PCDH15: variants seen among roughly 807,000 people sequenced by gnomAD.
PCDH15 encodes protocadherin related 15.
A neutral mutation model predicts 178.5 loss-of-function variants in PCDH15; 129 were observed. The observed-to-expected ratio is 0.72, with a 90% CI of 0.63 to 0.84. The LOEUF (loss-of-function observed/expected upper bound fraction) is 0.84. PCDH15 is among the 40% of genes least tolerant of loss of function. The pLI is 0.00. For missense variants in PCDH15, 2,230 were observed against 2,099.9 expected (o/e 1.06, Z -1.21); for synonymous variants, 800 against 732.0 (o/e 1.09, Z -1.50).
intron 1 of PCDH15, among the ~76,000 whole-genome samples, chr10:54,729,977 G>T (rs1943116012): frequency 1.3e-5 from 2 of 151,508 alleles, no homozygotes; most frequent in South Asian, 4.1e-4. Flanking sequence ...GGCCACTGTG[G>T]AAATCAGTTT....
chr10:54,308,467 C>T (rs1032460814), intron 8 of PCDH15, among the ~76,000 whole-genome samples: 1 of 151,724 alleles, frequency 6.6e-6, no homozygotes, highest in Non-Finnish European at 1.5e-5. Flanking sequence ...TATTTTATAC[C>T]TGTTTCTTAT....
intron 23 of PCDH15, among the ~76,000 whole-genome samples, chr10:53,941,181 A>G (rs1278008948): frequency 6.6e-6 from 1 of 152,158 alleles, no homozygotes; most frequent in African/African-American, 2.4e-5. Context: ...ATTATCACTG[A>G]AAGTCCATCA....
chr10:55,241,464 T>C (rs532762708), intron 1 of PCDH15, among the ~76,000 whole-genome samples: 1 of 152,198 alleles, frequency 6.6e-6, no homozygotes, highest in East Asian at 1.9e-4. Context: ...CTGTCGCCCA[T>C]GCTGGAGTGC....
At chr10:54,355,356 A>C (rs1193648905) in intron 5 of PCDH15, among the ~76,000 whole-genome samples, 1 of 151,952 alleles carries the variant, frequency 6.6e-6, no homozygotes, top group African/African-American at 2.4e-5. Context: ...AAGATAATTT[A>C]TTTTGGGCCC....
At chr10:54,921,836 T>C (rs532791854) in intron 2 of PCDH15, among the ~76,000 whole-genome samples, 9 of 152,138 alleles carry the variant, frequency 5.9e-5, no homozygotes, top group Admixed American at 3.3e-4. Context: ...GCTGTACAGG[T>C]AGCATCTCTG....
chr10:54,027,304 T>C (rs547152062), intron 18 of PCDH15, among the ~76,000 whole-genome samples: 23 of 150,822 alleles, frequency 1.5e-4, no homozygotes, highest in African/African-American at 5.2e-4. Context: ...TAGAAACAAA[T>C]GGAAGAACAT....
chr10:53,889,110 T>C (rs1315744357), intron 26 of PCDH15, among the ~76,000 whole-genome samples: 2 of 151,378 alleles, frequency 1.3e-5, no homozygotes, highest in Non-Finnish European at 3.0e-5. Context: ...ACATAAAATA[T>C]GAAATAAAAT....
rs1449736288 is a variant in PCDH15 at position 53,806,299 on chromosome 10, T to A, written c.*280A>T. 1 of 298,544 alleles carries A rather than the reference T, an allele frequency of 3.3e-6. No individual in the cohort carries two copies. The highest frequency in any genetic ancestry group is 6.2e-6 in the Non-Finnish European group (1 of 162,218). The allele number at this position is 298,544 out of a possible 1,614,324, so 18.5% of individuals were successfully genotyped here. A position where few individuals can be genotyped will look rare whatever the true frequency, so the allele number is the denominator to read the frequency against. ...GATTATTTAGTAATTATTTCTTGTT[T>A]ATTAAAATGAACAAAAATTCAAGAC... On this transcript the variant is annotated 3_prime_UTR_variant, in exon 38 of 38. Transcript: ENST00000644397.
intron 30 of PCDH15, among the ~76,000 whole-genome samples, chr10:53,830,428 A>C (rs1217620183): frequency 6.6e-6 from 1 of 152,060 alleles, no homozygotes; most frequent in East Asian, 1.9e-4. Context: ...AGTAATTTAC[A>C]TGATTTATTA....
intron 2 of PCDH15, among the ~76,000 whole-genome samples, chr10:55,509,235 GTA>G: frequency 6.6e-6 from 1 of 151,748 alleles, no homozygotes; most frequent in Non-Finnish European, 1.5e-5. Flanking sequence ...TTAGGATATA[GTA>G]AATAGTAAAT....
chr10:54,329,591 C>A lies in PCDH15; in HGVS notation c.705+5G>T. 6.4e-7 allele frequency: 1 copy of A among 1,559,400 alleles called. No individual in the cohort carries two copies. The highest frequency in any genetic ancestry group is 2.2e-5 in the East Asian group (1 of 44,530). On this transcript the variant is annotated splice_donor_5th_base_variant and intron_variant, in intron 7 of 37. Coordinates refer to ENST00000644397, the MANE Select transcript of PCDH15 (RefSeq NM_001384140.1). ...GAAGAAATTTAAAAGAAATTGAATA[C>A]TCACATTAGCTTGGATTATGACAAA...
At chr10:54,509,431 A>G (rs2081449563) in intron 3 of PCDH15, among the ~76,000 whole-genome samples, 2 of 152,100 alleles carry the variant, frequency 1.3e-5, no homozygotes, top group South Asian at 4.1e-4. Context: ...AGGCCTCCCC[A>G]GCTATGTGGA....
intron 1 of PCDH15, among the ~76,000 whole-genome samples, chr10:55,250,511 G>A (rs1592020843): frequency 1.4e-5 from 2 of 143,694 alleles, no homozygotes; most frequent in South Asian, 2.2e-4. Context: ...ATACCAAAAT[G>A]ACCTAAGAAA....
At chr10:55,248,658 G>A (rs1024726850) in intron 1 of PCDH15, among the ~76,000 whole-genome samples, 6 of 152,102 alleles carry the variant, frequency 3.9e-5, no homozygotes, top group Non-Finnish European at 5.9e-5. Context: ...CGTAGTTCTA[G>A]TGATTCTTGT....
chr10:55,199,271 C>A (rs1413602549), intron 1 of PCDH15, among the ~76,000 whole-genome samples: 1 of 152,052 alleles, frequency 6.6e-6, no homozygotes, highest in Non-Finnish European at 1.5e-5. Flanking sequence ...GGAAACGGAG[C>A]AAAGATCACT....
chr10:54,392,735 C>A (rs1950711705), intron 3 of PCDH15, among the ~76,000 whole-genome samples: 1 of 151,206 alleles, frequency 6.6e-6, no homozygotes, highest in African/African-American at 2.4e-5. Context: ...CCTGTCTCTA[C>A]TAAAAATACA....
intron 2 of PCDH15, among the ~76,000 whole-genome samples, chr10:55,527,832 T>C (rs1218667219): frequency 1.3e-5 from 2 of 152,010 alleles, no homozygotes; most frequent in African/African-American, 2.4e-5. Flanking sequence ...AATAAAATAT[T>C]TGATATTTCA....
chr10:55,557,947 T>C (rs566418492), intron 2 of PCDH15, among the ~76,000 whole-genome samples: 4 of 152,160 alleles, frequency 2.6e-5, no homozygotes, highest in South Asian at 4.1e-4. Context: ...TATAGAAATA[T>C]CAATAAGTTA....
intron 2 of PCDH15, among the ~76,000 whole-genome samples, chr10:55,454,411 A>T (rs1839503006): frequency 6.6e-6 from 1 of 152,114 alleles, no homozygotes; most frequent in African/African-American, 2.4e-5. Context: ...AAACAAAACT[A>T]TAAAAAAAAT....
Sources: gnomAD v4.1 joint callset for allele counts (sites outside exome capture counted in the v4.1 genomes callset) on GRCh38, gnomAD v4.1.1 for gene constraint, MANE v1.5 for transcripts, NCBI Gene and HGNC (gene_info 2026-07-23, HGNC 2026-07-21) for gene names.